MTF2: variants seen among roughly 807,000 people sequenced by gnomAD.
MTF2 encodes the protein metal-response element-binding transcription factor 2.
In MTF2, 11 loss-of-function variants were observed where a neutral mutation model predicts 79.5. The observed-to-expected ratio is 0.14, with a 90% confidence interval of 0.09 to 0.23. The LOEUF is 0.23. Among genes scored for constraint, MTF2 ranks in the 10% least tolerant of loss-of-function variants. The pLI is 1.00. For missense variants in MTF2, 486 were observed against 711.2 expected (o/e 0.68, Z 3.60); for synonymous variants, 208 against 232.8 (o/e 0.89, Z 0.97).
chr1:93,088,527 C>G (rs1232954944), intron 1 of MTF2, among the ~76,000 whole-genome samples: 1 of 152,046 alleles, frequency 6.6e-6, no homozygotes, highest in East Asian at 1.9e-4. Context: ...TTGGTATTTA[C>G]CATTTTGAAA....
chr1:93,134,329 C>T (rs552198098), intron 14 of MTF2, 134 bp downstream of exon 14: 49 of 641,504 alleles, frequency 7.6e-5, no homozygotes, highest in Non-Finnish European at 1.2e-4. Context: ...GAGAGGTAAT[C>T]CATATGTAGA....
chr1:93,080,670 C>T (rs1654566489), intron 1 of MTF2, among the ~76,000 whole-genome samples: 1 of 151,952 alleles, frequency 6.6e-6, no homozygotes, highest in South Asian at 2.1e-4. Flanking sequence ...ATAGTAGTTA[C>T]TTTCTCCTTC....
intron 1 of MTF2, among the ~76,000 whole-genome samples, chr1:93,108,901 A>G (rs532224322): frequency 2.0e-5 from 3 of 152,256 alleles, no homozygotes; most frequent in South Asian, 2.1e-4. Flanking sequence ...GGCACCTCAT[A>G]TAAGTGGAAT....
intron 11 of MTF2, among the ~76,000 whole-genome samples, chr1:93,132,849 A>G (rs1180985725): frequency 4.6e-5 from 7 of 152,234 alleles, no homozygotes; most frequent in East Asian, 1.9e-4. Flanking sequence ...CTTGGCTTGT[A>G]TACACATTTG....
chr1:93,117,112 A>G (rs541330818), intron 6 of MTF2, among the ~76,000 whole-genome samples: 3 of 152,368 alleles, frequency 2.0e-5, no homozygotes, highest in Admixed American at 2.0e-4. Flanking sequence ...CTAGAAAAAT[A>G]GTGCTAATAG....
chr1:93,136,599 G>A, intron 14 of MTF2, 71 bp from the exon 15 acceptor site: 1 of 1,246,190 alleles, frequency 8.0e-7, no homozygotes, highest in Non-Finnish European at 1.1e-6. Flanking sequence ...ATCCAGAAAA[G>A]AGAACATATT....
In MTF2 at chr1:93,136,970, G is replaced by A; in HGVS notation, c.1725G>A (p.Val575=). The A allele has an allele frequency of 6.2e-7, 1 of 1,614,090 alleles. No individual in the cohort carries two copies. Among genetic ancestry groups the A allele is most frequent in the African/African-American group, 1.3e-5 (1 of 75,004 alleles). ...AATACCGAGTTTTGGCACGTCGGGT[G>A]ACACTTGATGGAAAGGTGCAGTATC... ...GEKYRVLARR[V]TLDGKVQYLV... Residue 575 remains valine, a synonymous_variant, in exon 15 of 15, where the codon GTG becomes GTA. Transcript: ENST00000370298.
At chr1:93,118,261 CTT>C (rs34049352) in intron 6 of MTF2, 82 bp from the exon 7 acceptor site, 71,482 of 498,108 alleles carry the variant, frequency 0.14, 33 homozygotes, top group East Asian at 0.2. Flanking sequence ...GATTAGGCCA[CTT>C]TTTTTTTTTT....
chr1:93,117,118 A>G (rs1423838253), intron 6 of MTF2, among the ~76,000 whole-genome samples: 4 of 152,232 alleles, frequency 2.6e-5, no homozygotes, highest in Non-Finnish European at 5.9e-5. Context: ...AAATAGTGCT[A>G]ATAGACTGAA....
chr1:93,094,347 A>G (rs931700286), intron 1 of MTF2, among the ~76,000 whole-genome samples: 5 of 152,202 alleles, frequency 3.3e-5, no homozygotes, highest in Admixed American at 2.0e-4. Flanking sequence ...AGAAACCCAC[A>G]TTGCAACCCT....
intron 9 of MTF2, among the ~76,000 whole-genome samples, chr1:93,123,110 T>A (rs889204287): frequency 2.0e-5 from 3 of 152,044 alleles, no homozygotes; most frequent in African/African-American, 7.2e-5. Flanking sequence ...TGCCATTAAT[T>A]ATTTTCAAAA....
chr1:93,127,188 T>G (rs1656733728), intron 9 of MTF2, 44 bp from the exon 10 acceptor site: 1 of 1,337,708 alleles, frequency 7.5e-7, no homozygotes, highest in Non-Finnish European at 1.1e-6. Context: ...TATTACTAAT[T>G]GATGAAATTG....
At chr1:93,084,593 T>G (rs1654757448) in intron 1 of MTF2, among the ~76,000 whole-genome samples, 1 of 152,248 alleles carries the variant, frequency 6.6e-6, no homozygotes, top group African/African-American at 2.4e-5. Context: ...ACTTGCCATT[T>G]TAATATTATT....
rs567941842 is a variant in MTF2 at position 93,117,613 on chromosome 1, A to G, written c.633-732A>G. Among the ~76,000 whole-genome samples the G allele has an allele frequency of 9.8e-5, 15 of 152,314 alleles. No individual in the cohort carries two copies. In the South Asian group the frequency reaches 3.1e-3, roughly 32 times the overall value. ...TAGCTGACAAGAATAATAGAAACAC[A>G]GTAAAGATATGAAGTGGAATGTTTA... is the stretch of plus-strand genomic sequence containing the variant. On this transcript the variant is annotated intron_variant, in intron 6 of 14. Transcript: ENST00000370298.
At chr1:93,081,739 C>G (rs992646628) in intron 1 of MTF2, among the ~76,000 whole-genome samples, 5 of 152,152 alleles carry the variant, frequency 3.3e-5, no homozygotes, top group African/African-American at 1.2e-4. Flanking sequence ...ACAGTAGCCA[C>G]TAGCTGCATG....
At chr1:93,114,482 A>C (rs1157306059) in intron 3 of MTF2, among the ~76,000 whole-genome samples, 2 of 152,270 alleles carry the variant, frequency 1.3e-5, no homozygotes, top group Non-Finnish European at 2.9e-5. Context: ...CAAAAAGCAG[A>C]TTAAATTATG....
intron 3 of MTF2, among the ~76,000 whole-genome samples, chr1:93,113,826 CAA>C (rs529060010): frequency 8.1e-4 from 123 of 152,096 alleles, no homozygotes; most frequent in South Asian, 1.5e-3. Flanking sequence ...TAGAATTAAA[CAA>C]AATATATCAA....
intron 6 of MTF2, among the ~76,000 whole-genome samples, chr1:93,116,540 G>C (rs1196129860): frequency 8.2e-6 from 1 of 122,554 alleles, no homozygotes; most frequent in Non-Finnish European, 1.6e-5. Flanking sequence ...TTCTTGCTCT[G>C]TTGCCTCGGC....
chr1:93,121,540 T>C (rs1472611484), intron 9 of MTF2: 1 of 984,282 alleles, frequency 1.0e-6, no homozygotes, highest in African/African-American at 1.7e-5. Flanking sequence ...AAGGACATCC[T>C]ATTTCATATC....
Sources: gnomAD v4.1 joint callset for allele counts (sites outside exome capture counted in the v4.1 genomes callset) on GRCh38, gnomAD v4.1.1 for gene constraint, MANE v1.5 for transcripts, NCBI Gene and HGNC (gene_info 2026-07-23, HGNC 2026-07-21) for gene names.